Variants in PCDH9 observed in about 807,000 individuals in gnomAD.
PCDH9 encodes protocadherin-9.
Under a neutral mutation model 70.6 loss-of-function variants are expected in PCDH9, and 24 were observed. The ratio of observed to expected loss-of-function variants is 0.34; its 90% confidence interval spans 0.25 to 0.48. The LOEUF is 0.48. Among genes scored for constraint, PCDH9 ranks in the 20% least tolerant of loss-of-function variants. The pLI is 0.99. For synonymous variants in PCDH9, 562 were observed against 558.5 expected (o/e 1.01, Z -0.09); for missense variants, 1,281 against 1,503.6 (o/e 0.85, Z 2.45).
intron 4 of PCDH9, among the ~76,000 whole-genome samples, chr13:66,390,005 C>A (rs537429214): frequency 6.6e-6 from 1 of 152,210 alleles, no homozygotes; most frequent in South Asian, 2.1e-4. Context: ...CTTTTGCAGT[C>A]AGAGAGAGTG....
intron 4 of PCDH9, among the ~76,000 whole-genome samples, chr13:66,310,321 G>A (rs1955541317): frequency 6.6e-6 from 1 of 151,986 alleles, no homozygotes; most frequent in Non-Finnish European, 1.5e-5. Flanking sequence ...ATTTTTCAAA[G>A]TTTTAGGCAT....
chr13:66,536,777 G>A lies in PCDH9; in HGVS notation c.3340+94433C>T, dbSNP rs984220224. 6.6e-5 allele frequency among the ~76,000 whole-genome samples: 10 copies of A among 152,150 alleles called. No homozygotes were observed. The East Asian group carries it at 1.9e-3, about 29-fold the overall frequency. ...GAAACCGTGCTTTTCTATCATCACA[G>A]AATAGGTACCCAAATAGTTATAAGT... On this transcript the variant is annotated intron_variant, in intron 4 of 4. Transcript: ENST00000377865.
At chr13:66,733,650 A>G (rs1277701049) in intron 3 of PCDH9, among the ~76,000 whole-genome samples, 4 of 147,672 alleles carry the variant, frequency 2.7e-5, no homozygotes, top group Non-Finnish European at 4.5e-5. Context: ...TGGCATTTTC[A>G]TATATAGAAA....
In PCDH9 at chr13:66,757,550, T is replaced by G. The variant is rs575825511; in HGVS notation, c.3139-126139A>C. Among the ~76,000 whole-genome samples the G allele has an allele frequency of 5.9e-5, 9 of 152,140 alleles. No individual in the cohort carries two copies. The South Asian group carries it at 1.9e-3, about 32-fold the overall frequency. On this transcript the variant is annotated intron_variant, in intron 3 of 4. Coordinates refer to ENST00000377865, the MANE Select transcript of PCDH9 (RefSeq NM_203487.3). The stretch of plus-strand genomic sequence containing the variant: ...TAAAAATTGAAAAATTCCTGAAATA[T>G]GTAAATGGTAAAAAACAGACTAGAG...
intron 4 of PCDH9, among the ~76,000 whole-genome samples, chr13:66,484,183 A>G (rs1331470988): frequency 6.6e-6 from 1 of 152,176 alleles, no homozygotes; most frequent in Non-Finnish European, 1.5e-5. Context: ...CCCGGGATAC[A>G]GAAAGCCCTC....
intron 4 of PCDH9, among the ~76,000 whole-genome samples, chr13:66,450,525 A>T (rs927293833): frequency 6.6e-6 from 1 of 152,182 alleles, no homozygotes; most frequent in Non-Finnish European, 1.5e-5. Context: ...TACTATTTCA[A>T]TGCAAACAGT....
intron 4 of PCDH9, among the ~76,000 whole-genome samples, chr13:66,623,341 C>T (rs1392714041): frequency 6.6e-6 from 1 of 152,256 alleles, no homozygotes; most frequent in South Asian, 2.1e-4. Flanking sequence ...ACCATGTATT[C>T]ACTGAAGGAT....
intron 4 of PCDH9, among the ~76,000 whole-genome samples, chr13:66,461,312 C>G (rs1958420232): frequency 6.6e-6 from 1 of 151,398 alleles, no homozygotes; most frequent in Admixed American, 6.6e-5. Flanking sequence ...TCATCTTTAG[C>G]CAAAAAAAAT....
At chr13:66,381,369 G>A (rs1956845259) in intron 4 of PCDH9, among the ~76,000 whole-genome samples, 1 of 152,144 alleles carries the variant, frequency 6.6e-6, no homozygotes, top group Non-Finnish European at 1.5e-5. Flanking sequence ...TTATTAAAAT[G>A]TATGACTGTG....
intron 2 of PCDH9, among the ~76,000 whole-genome samples, chr13:66,998,983 C>A (rs1194965908): frequency 6.6e-6 from 1 of 152,144 alleles, no homozygotes. Context: ...CCAAGATAAA[C>A]CATAAATTCC....
chr13:66,731,097 A>C (rs17081670), intron 3 of PCDH9, among the ~76,000 whole-genome samples: 1,621 of 151,818 alleles, frequency 0.011, 64 homozygotes, highest in East Asian at 0.078. Context: ...TTGACTTCAC[A>C]CAATCTGTAG....
chr13:66,591,719 T>C (rs1166855747), intron 4 of PCDH9, among the ~76,000 whole-genome samples: 2 of 151,592 alleles, frequency 1.3e-5, no homozygotes, highest in Admixed American at 1.3e-4. Flanking sequence ...AAAAAAAACC[T>C]CTGCAATGCT....
intron 3 of PCDH9, among the ~76,000 whole-genome samples, chr13:66,814,510 T>TA (rs1032253670): frequency 3.3e-4 from 50 of 152,212 alleles, no homozygotes; most frequent in African/African-American, 1.2e-3. Context: ...ATCAAATTAG[T>TA]ATAATAATAG....
intron 2 of PCDH9, among the ~76,000 whole-genome samples, chr13:67,092,276 A>C (rs550265575): frequency 6.6e-6 from 1 of 152,280 alleles, no homozygotes; most frequent in African/African-American, 2.4e-5. Flanking sequence ...CATGTAAAGC[A>C]ATTTCAATCT....
chr13:66,803,820 C>T (rs1414380285), intron 3 of PCDH9, among the ~76,000 whole-genome samples: 1 of 152,190 alleles, frequency 6.6e-6, no homozygotes, highest in Non-Finnish European at 1.5e-5. Flanking sequence ...TAAACAGCAT[C>T]TAAAAATGTG....
intron 4 of PCDH9, among the ~76,000 whole-genome samples, chr13:66,321,963 C>T (rs1566239687): frequency 6.6e-6 from 1 of 151,658 alleles, no homozygotes; most frequent in Non-Finnish European, 1.5e-5. Context: ...GTGACTTCCT[C>T]ATAAACTTTA....
At chr13:67,188,407 C>A (rs2088816974) in intron 2 of PCDH9, among the ~76,000 whole-genome samples, 1 of 152,072 alleles carries the variant, frequency 6.6e-6, no homozygotes, top group African/African-American at 2.4e-5. Context: ...CTTGACAATG[C>A]TTTTATTTAT....
chr13:66,417,271 T>A (rs148103785), intron 4 of PCDH9, among the ~76,000 whole-genome samples: 1 of 152,164 alleles, frequency 6.6e-6, no homozygotes, highest in East Asian at 1.9e-4. Flanking sequence ...AGTAAGAATA[T>A]GTGGTGTTTG....
At chr13:67,070,775 A>G (rs900222604) in intron 2 of PCDH9, among the ~76,000 whole-genome samples, 2 of 152,130 alleles carry the variant, frequency 1.3e-5, no homozygotes, top group African/African-American at 4.8e-5. Context: ...GGTTCAATTG[A>G]GTTCTGGAAT....
Sources: allele counts gnomAD v4.1 joint callset (sites outside exome capture counted in the v4.1 genomes callset), GRCh38; gene constraint gnomAD v4.1.1; transcripts MANE v1.5; gene names NCBI Gene and HGNC (gene_info 2026-07-23, HGNC 2026-07-21).